Variants in NRXN3 observed in about 807,000 individuals in gnomAD.
NRXN3 encodes neurexin 3.
Under a neutral mutation model 137.6 loss-of-function variants are expected in NRXN3, and 32 were observed. That is an observed-to-expected ratio of 0.23 (90% confidence interval 0.18 to 0.31). The LOEUF (loss-of-function observed/expected upper bound fraction) is 0.31, where lower values mean the gene tolerates loss of function less well. Among genes scored for constraint, NRXN3 ranks in the 10% least tolerant of loss-of-function variants. NRXN3 has a pLI of 1.00. For synonymous variants in NRXN3, 798 were observed against 784.5 expected, an observed-to-expected ratio of 1.02 and a Z score of -0.29; for missense variants, 1,574 against 2,062.5, an observed-to-expected ratio of 0.76 and a Z score of 4.59.
intron 1 of NRXN3, among the ~76,000 whole-genome samples, chr14:78,236,171 G>T: frequency 6.6e-6 from 1 of 152,194 alleles, no homozygotes; most frequent in East Asian, 1.9e-4. Flanking sequence ...TAAGTATACA[G>T]CTCCCTTGTT....
At chr14:78,318,279 T>G (rs2078941207) in intron 4 of NRXN3, among the ~76,000 whole-genome samples, 1 of 152,136 alleles carries the variant, frequency 6.6e-6, no homozygotes. Flanking sequence ...TTCATTGACA[T>G]GAAAAGAGGC....
intron 15 of NRXN3, among the ~76,000 whole-genome samples, chr14:79,338,466 G>A (rs1195851300): frequency 1.3e-5 from 2 of 152,100 alleles, no homozygotes; most frequent in Non-Finnish European, 2.9e-5. Context: ...ATAGGATCAT[G>A]TGTATCGAGA....
intron 16 of NRXN3, among the ~76,000 whole-genome samples, chr14:79,482,790 A>G (rs2096621466): frequency 1.3e-5 from 2 of 152,174 alleles, no homozygotes; most frequent in Non-Finnish European, 2.9e-5. Flanking sequence ...TTTGGTAAAG[A>G]CTTTGCAATC....
intron 15 of NRXN3, among the ~76,000 whole-genome samples, chr14:79,282,815 A>G (rs2081499255): frequency 6.6e-6 from 1 of 152,202 alleles, no homozygotes; most frequent in Admixed American, 6.5e-5. Flanking sequence ...ATCCTCTTTC[A>G]ATCCTGAAGT....
chr14:79,446,241 CTGT>C (rs1434951290), intron 15 of NRXN3, among the ~76,000 whole-genome samples: 5 of 152,136 alleles, frequency 3.3e-5, no homozygotes, highest in African/African-American at 4.8e-5. Flanking sequence ...TTGAGGTCTC[CTGT>C]TGTTGTTTCT....
At chr14:78,738,851 G>A (rs1595377234) in intron 8 of NRXN3, among the ~76,000 whole-genome samples, 1 of 152,324 alleles carries the variant, frequency 6.6e-6, no homozygotes, top group East Asian at 1.9e-4. Context: ...ATGGAAGAAT[G>A]ATTTTTGAGT....
intron 20 of NRXN3, among the ~76,000 whole-genome samples, chr14:79,821,027 CA>C (rs543081436): frequency 1.6e-3 from 249 of 152,026 alleles, no homozygotes; most frequent in Non-Finnish European, 2.7e-3. Context: ...AGAGATGATG[CA>C]AGGAGGCAAA....
intron 15 of NRXN3, among the ~76,000 whole-genome samples, chr14:79,053,141 T>C (rs955646370): frequency 1.3e-5 from 2 of 152,196 alleles, no homozygotes; most frequent in Admixed American, 1.3e-4. Context: ...AGGATGCTAT[T>C]CTCATGTGCA....
rs534368488 is a variant in NRXN3, at chr14:79,342,313, A to G, written c.3263-124908A>G. Reference sequence around the variant, plus strand: ...TGCAGACAGGTATAGATGTCCTGCCAACAACCAGCAACACAGGGTTGTCCC... The same window carrying G: ...TGCAGACAGGTATAGATGTCCTGCCGACAACCAGCAACACAGGGTTGTCCC... On this transcript the variant is annotated intron_variant, in intron 15 of 20. Transcript: ENST00000335750. Among the ~76,000 whole-genome samples, 9 of 152,356 alleles carry G rather than the reference A, an allele frequency of 5.9e-5. No individual in the cohort carries two copies. In the East Asian group the frequency reaches 1.5e-3, roughly 26 times the overall value.
intron 10 of NRXN3, among the ~76,000 whole-genome samples, chr14:78,899,760 T>G (rs2152737172): frequency 6.6e-6 from 1 of 152,132 alleles, no homozygotes; most frequent in East Asian, 1.9e-4. Context: ...AAAAAATCTC[T>G]TAAATGTTTC....
chr14:79,256,863 G>C (rs2153389840), intron 15 of NRXN3, among the ~76,000 whole-genome samples: 1 of 152,332 alleles, frequency 6.6e-6, no homozygotes, highest in Non-Finnish European at 1.5e-5. Context: ...AAGTGTGTGT[G>C]TGTGTATGTG....
intron 4 of NRXN3, among the ~76,000 whole-genome samples, chr14:78,421,321 A>G (rs17107534): frequency 0.26 from 38,968 of 151,684 alleles, 7,374 homozygotes; most frequent in African/African-American, 0.52. Flanking sequence ...GAGCTGGAGG[A>G]TTGTTACTAA....
intron 4 of NRXN3, among the ~76,000 whole-genome samples, chr14:78,363,184 C>T (rs2085392139): frequency 6.6e-6 from 1 of 152,172 alleles, no homozygotes; most frequent in Non-Finnish European, 1.5e-5. Context: ...CACTGCTCAT[C>T]ATCTGTGACT....
chr14:79,738,315 C>CCACACACACA (rs10539564), intron 19 of NRXN3, among the ~76,000 whole-genome samples: 1,955 of 138,012 alleles, frequency 0.014, 26 homozygotes, highest in African/African-American at 0.04. Context: ...ATTTCCCCCG[C>CCACACACACA]CACACACACA....
At chr14:79,400,206 G>C (rs1194349975) in intron 15 of NRXN3, among the ~76,000 whole-genome samples, 1 of 152,158 alleles carries the variant, frequency 6.6e-6, no homozygotes, top group African/African-American at 2.4e-5. Flanking sequence ...ATATCCTATT[G>C]TCTTGTTGGA....
chr14:78,979,010 A>G (rs61995272), intron 14 of NRXN3, among the ~76,000 whole-genome samples: 7,285 of 151,986 alleles, frequency 0.048, 240 homozygotes, highest in Middle Eastern at 0.099. Flanking sequence ...GCTAGAGAAT[A>G]TGGCTATCTC....
In NRXN3 at chr14:79,316,139, C is replaced by T. The variant is rs565790779; in HGVS notation, c.3263-151082C>T. Among the ~76,000 whole-genome samples, 3 of 152,284 alleles carry T rather than the reference C, an allele frequency of 2.0e-5. 1 individual carries two copies. The South Asian group carries it at 6.2e-4, about 32-fold the overall frequency. ...CACACACACACAGACTGAGTGTTCTCAAGACAGGAACATGATTGAGAATGC... is the reference window on the plus strand; with the variant it reads ...CACACACACACAGACTGAGTGTTCTTAAGACAGGAACATGATTGAGAATGC... On this transcript the variant is annotated intron_variant, in intron 15 of 20. Transcript: ENST00000335750.
chr14:79,324,874 T>A (rs1248071606), intron 15 of NRXN3, among the ~76,000 whole-genome samples: 1 of 152,224 alleles, frequency 6.6e-6, no homozygotes, highest in East Asian at 1.9e-4. Context: ...TATATGCATA[T>A]GTGCATATAC....
At chr14:78,853,386 G>C (rs368526830) in intron 10 of NRXN3, among the ~76,000 whole-genome samples, 5 of 152,088 alleles carry the variant, frequency 3.3e-5, no homozygotes, top group African/African-American at 7.2e-5. Flanking sequence ...TTCATCTGTT[G>C]ATGGACACAT....
Sources: allele counts gnomAD v4.1 joint callset (sites outside exome capture counted in the v4.1 genomes callset), GRCh38; gene constraint gnomAD v4.1.1; transcripts MANE v1.5; gene names NCBI Gene and HGNC (gene_info 2026-07-23, HGNC 2026-07-21).